Variants in SLC26A5 observed in about 807,000 individuals in gnomAD.
The protein encoded by SLC26A5 is solute carrier family 26 member 5, also known as prestin.
In SLC26A5, 51 loss-of-function variants were observed where a neutral mutation model predicts 81.0. The ratio of observed to expected loss-of-function variants is 0.63; its 90% CI spans 0.50 to 0.80. The LOEUF is 0.80. SLC26A5 is among the 30% of genes least tolerant of loss of function. The pLI is 0.00. For synonymous variants in SLC26A5, 325 were observed against 332.8 expected, an observed-to-expected ratio of 0.98 and a Z score of 0.25; for missense variants, 771 against 905.8, an observed-to-expected ratio of 0.85 and a Z score of 1.91.
At chr7:103,377,999 TTC>T (rs1821485728) in intron 17 of SLC26A5, among the ~76,000 whole-genome samples, 200 bp from the exon 18 acceptor site, 1 of 152,202 alleles carries the variant, frequency 6.6e-6, no homozygotes, top group Non-Finnish European at 1.5e-5. Flanking sequence ...TTAAGTCAAC[TTC>T]TCTCTTTTTC....
intron 19 of SLC26A5, among the ~76,000 whole-genome samples, chr7:103,357,108 T>G (rs1586148974): frequency 6.6e-6 from 1 of 152,166 alleles, no homozygotes; most frequent in Admixed American, 6.5e-5. Flanking sequence ...GGCAGATGAC[T>G]TGAGGTCAGG....
downstream of SLC26A5, among the ~76,000 whole-genome samples, chr7:103,371,364 G>A (rs1038333466): frequency 6.5e-4 from 94 of 143,550 alleles, no homozygotes; most frequent in South Asian, 9.4e-3. Context: ...TCGCTCTGTC[G>A]CCCAGGCTGG....
At chr7:103,412,527 C>G (rs912236782) in intron 5 of SLC26A5, among the ~76,000 whole-genome samples, 3 of 144,924 alleles carry the variant, frequency 2.1e-5, no homozygotes, top group African/African-American at 7.7e-5. Context: ...TTCTAGAAAT[C>G]TTGGGAGGAG....
chr7:103,353,086 T>C (rs1042081221), intron 19 of SLC26A5, among the ~76,000 whole-genome samples: 4 of 152,184 alleles, frequency 2.6e-5, no homozygotes, highest in Non-Finnish European at 5.9e-5. Flanking sequence ...AATTTGTGAA[T>C]AGAAAAGATT....
chr7:103,445,548 G>A (rs958099207), intron 1 of SLC26A5: 1 of 152,268 alleles, frequency 6.6e-6, no homozygotes, highest in Non-Finnish European at 1.5e-5. Context: ...GGATAAGTCA[G>A]AGACCCGGGG....
At chr7:103,388,730 G>T (rs1404155187) in intron 14 of SLC26A5, 1 of 388,782 alleles carries the variant, frequency 2.6e-6, no homozygotes, top group African/African-American at 2.1e-5. Context: ...GACCAGGAAT[G>T]GCAGAAACAA....
chr7:103,420,937 CA>C, intron 3 of SLC26A5, 60 bp from the exon 4 acceptor site: 1 of 1,534,340 alleles, frequency 6.5e-7, no homozygotes, highest in Non-Finnish European at 9.0e-7. Flanking sequence ...CTGTAGAATT[CA>C]AACCAAAGCA....
At position 103,410,545 on chromosome 7, in the gene SLC26A5, C is replaced by T. The variant is rs759670873; in HGVS notation, c.575G>A (p.Cys192Tyr). The T allele has an allele frequency of 4.3e-6, 7 of 1,611,096 alleles. No homozygotes were observed. The highest frequency in any genetic ancestry group is 5.9e-6 in the Non-Finnish European group (7 of 1,178,528). Residue 192 changes from cysteine to tyrosine, a missense_variant, in exon 7 of 20, where the codon TGC becomes TAC. Transcript: ENST00000306312. Reference protein sequence around the residue: ...VTLLSGIIQFCLGVCRFGFVA... With the variant: ...VTLLSGIIQFYLGVCRFGFVA... ...AAATCCAAACCTACAGACACCTAGG[C>T]AAAACTATTTTTTTTTAATGACAAA...
intron 14 of SLC26A5, among the ~76,000 whole-genome samples, chr7:103,388,297 A>G (rs979495436): frequency 6.6e-6 from 1 of 150,602 alleles, no homozygotes; most frequent in Non-Finnish European, 1.5e-5. Context: ...CCTGAGTTCA[A>G]GCAATTCTCC....
intron 2 of SLC26A5, among the ~76,000 whole-genome samples, chr7:103,423,679 A>G (rs560447825): frequency 2.2e-4 from 33 of 152,246 alleles, no homozygotes; most frequent in South Asian, 1.9e-3. Context: ...GCAATAAGAC[A>G]CCATCTTGGA....
At position 103,405,674 on chromosome 7, in the gene SLC26A5, G is replaced by A. The variant is rs142505048; in HGVS notation, c.888+2177C>T. On this transcript the variant is annotated intron_variant, in intron 8 of 19. Coordinates refer to ENST00000306312, the MANE Select transcript of SLC26A5 (RefSeq NM_198999.3). The stretch of plus-strand genomic sequence containing the variant: ...GAGTTACGGGGGTCCCACTTGAGAA[G>A]GCAGTCTGACCCTTAGCAGAGCTCG... Among the ~76,000 whole-genome samples the A allele has an allele frequency of 7.9e-5, 12 of 152,336 alleles. No individual in the cohort carries two copies. In the East Asian group the frequency reaches 2.3e-3, roughly 29 times the overall value.
rs1169609142 is a variant in SLC26A5 at position 103,367,404 on chromosome 7, T to C, written c.2041+9404A>G. 6.2e-7 allele frequency: 1 copy of C among 1,613,082 alleles called. No homozygotes were observed. The highest frequency in any genetic ancestry group is 1.1e-5 in the South Asian group (1 of 91,024). ...CTTGAAGAGCTTATCTTTCCTTTTGTCTTCTCAGGGGCTCGTTTTGATGAT... is the reference window on the plus strand; with the variant it reads ...CTTGAAGAGCTTATCTTTCCTTTTGCCTTCTCAGGGGCTCGTTTTGATGAT... On this transcript the variant is annotated intron_variant, in intron 19 of 19. Transcript: ENST00000339444. The surrounding 1 kb of genome is among the most constrained non-coding windows in gnomAD (Gnocchi z 6.1).
At chr7:103,445,617 C>T (rs1177767106) in intron 1 of SLC26A5, 1 of 152,270 alleles carries the variant, frequency 6.6e-6, no homozygotes, top group Non-Finnish European at 1.5e-5. Flanking sequence ...GCCTTGCTCC[C>T]TGGGAGCTCC....
chr7:103,359,006 C>T (rs1820205616), intron 19 of SLC26A5, among the ~76,000 whole-genome samples: 1 of 148,836 alleles, frequency 6.7e-6, no homozygotes, highest in Non-Finnish European at 1.5e-5. Flanking sequence ...TTTTTTGAGA[C>T]AAGGTCTCAC....
intron 14 of SLC26A5, among the ~76,000 whole-genome samples, chr7:103,387,623 C>T (rs1377846842): frequency 1.3e-5 from 2 of 152,198 alleles, no homozygotes; most frequent in East Asian, 3.8e-4. Context: ...TGCAAAATCA[C>T]AGAGCTTACA....
At chr7:103,404,921 A>G (rs372977466) in intron 8 of SLC26A5, among the ~76,000 whole-genome samples, 1 of 151,636 alleles carries the variant, frequency 6.6e-6, no homozygotes, top group African/African-American at 2.4e-5. Context: ...TCTTTACACT[A>G]TATTTCATTA....
chr7:103,414,216 T>C (rs936065606), intron 4 of SLC26A5, among the ~76,000 whole-genome samples: 5 of 144,154 alleles, frequency 3.5e-5, no homozygotes, highest in African/African-American at 1.3e-4. Flanking sequence ...GACAGGGTCT[T>C]GCTCTGTCAC....
intron 10 of SLC26A5, 138 bp downstream of exon 10, chr7:103,392,781 G>A: frequency 9.4e-7 from 1 of 1,063,454 alleles, no homozygotes; most frequent in Non-Finnish European, 1.4e-6. Flanking sequence ...GTTTCACCAT[G>A]TTAGCCAGGA....
intron 15 of SLC26A5, 105 bp downstream of exon 15, chr7:103,380,375 C>CTA: frequency 1.1e-6 from 1 of 888,712 alleles, no homozygotes; most frequent in Non-Finnish European, 1.9e-6. Flanking sequence ...ACTTTGACCA[C>CTA]TATACCTCCC....
Sources: allele counts gnomAD v4.1 joint callset (sites outside exome capture counted in the v4.1 genomes callset), GRCh38; gene constraint gnomAD v4.1.1; non-coding constraint Gnocchi (gnomAD v3.1); transcripts MANE v1.5; gene names NCBI Gene and HGNC (gene_info 2026-07-23, HGNC 2026-07-21).